TBC1D9: variants seen among roughly 807,000 people sequenced by gnomAD.
The protein encoded by TBC1D9 is TBC1 domain family member 9, also known as TBC1 domain family member 9A.
A neutral mutation model predicts 132.0 loss-of-function variants in TBC1D9; 63 were observed. That is an observed-to-expected ratio of 0.48 (90% CI 0.39 to 0.59). The LOEUF is 0.59. TBC1D9 is among the 20% of genes least tolerant of loss of function. The pLI, the probability that TBC1D9 is intolerant of heterozygous loss-of-function variation, is 0.00. For synonymous variants in TBC1D9, 610 were observed against 609.9 expected (o/e 1.00, Z 0.00); for missense variants, 1,261 against 1,592.7 (o/e 0.79, Z 3.54).
intron 1 of TBC1D9, among the ~76,000 whole-genome samples, chr4:140,710,423 A>G (rs1362800614): frequency 6.6e-6 from 1 of 152,216 alleles, no homozygotes; most frequent in Non-Finnish European, 1.5e-5. Context: ...TTTGATATAC[A>G]TGTTCATATA....
chr4:140,719,115 AAAATAAATAAATAAATAAAT>A (rs200581012), intron 1 of TBC1D9, among the ~76,000 whole-genome samples: 70 of 141,416 alleles, frequency 4.9e-4, no homozygotes, highest in African/African-American at 1.7e-3. Context: ...ACTCCATCTC[AAAATAAATAAATAAATAAAT>A]AAATAAATAA....
intron 2 of TBC1D9, among the ~76,000 whole-genome samples, chr4:140,687,343 C>CATATATATATATATATATAT (rs200090051): frequency 2.6e-5 from 1 of 37,910 alleles, no homozygotes; most frequent in Non-Finnish European, 6.4e-5. Flanking sequence ...GTGTGTGTGT[C>CATATATATATATATATATAT]ATATATATAT....
chr4:140,725,951 T>C (rs181095200), intron 1 of TBC1D9, among the ~76,000 whole-genome samples: 16 of 152,284 alleles, frequency 1.1e-4, no homozygotes, highest in African/African-American at 3.4e-4. Flanking sequence ...CTTTGAACCA[T>C]ATAAATATAT....
rs1018045698 is a variant in TBC1D9 at position 140,669,002 on chromosome 4, G to A, written c.1503C>T (p.Cys501=). ...CCCGCGTTTTCTCTGTGCGGTACAT[G>A]CAGATCCCTTGCCCATACTCAGCAA... ...IHFAEYGQGI[C]MYRTEKTREL... Residue 501 remains cysteine, a synonymous_variant, in exon 9 of 21, where the codon TGC becomes TGT. Coordinates refer to ENST00000442267, the MANE Select transcript of TBC1D9 (RefSeq NM_015130.3). 1.2e-6 allele frequency: 2 copies of A among 1,613,988 alleles called. No homozygotes were observed. The highest frequency in any genetic ancestry group is 3.3e-4 in the Middle Eastern group (2 of 6,062).
intron 13 of TBC1D9, among the ~76,000 whole-genome samples, chr4:140,640,921 G>A (rs78588709): frequency 0.079 from 12,002 of 151,052 alleles, 1,441 homozygotes; most frequent in African/African-American, 0.26. Flanking sequence ...TTACTTTACC[G>A]AAAGACATAT....
intron 1 of TBC1D9, among the ~76,000 whole-genome samples, chr4:140,727,344 T>TA (rs1363828319): frequency 1.3e-5 from 2 of 152,218 alleles, no homozygotes; most frequent in South Asian, 4.1e-4. Context: ...CTGCATCTAC[T>TA]TTCACCTTTG....
At chr4:140,704,435 G>GAAAAAAAAAAAAAAA (rs11317574) in intron 1 of TBC1D9, among the ~76,000 whole-genome samples, 1 of 113,402 alleles carries the variant, frequency 8.8e-6, no homozygotes, top group Non-Finnish European at 1.9e-5. Context: ...CAAAAAATCA[G>GAAAAAAAAAAAAAAA]AAAAAAAAAA....
chr4:140,642,333 A>G, intron 13 of TBC1D9: 1 of 789,552 alleles, frequency 1.3e-6, no homozygotes, highest in Non-Finnish European at 2.2e-6. Flanking sequence ...CCCCACCCCT[A>G]TCTTCCTGGC....
intron 16 of TBC1D9, among the ~76,000 whole-genome samples, chr4:140,629,976 A>G (rs1297492982): frequency 6.6e-6 from 1 of 152,220 alleles, no homozygotes. Context: ...TATTTTACAG[A>G]TAAGAAAAAT....
intron 1 of TBC1D9, among the ~76,000 whole-genome samples, chr4:140,739,253 G>A (rs994233730): frequency 7.9e-5 from 12 of 152,080 alleles, no homozygotes; most frequent in African/African-American, 2.9e-4. Flanking sequence ...CCAAAGTGCT[G>A]GGATTACAGG....
At chr4:140,663,393 A>G (rs1269134506) in intron 9 of TBC1D9, among the ~76,000 whole-genome samples, 1 of 152,224 alleles carries the variant, frequency 6.6e-6, no homozygotes, top group African/African-American at 2.4e-5. Context: ...ACAAAAGATA[A>G]CAAGTGTCAG....
chr4:140,639,875 C>T lies in TBC1D9; in HGVS notation c.2338-447G>A, dbSNP rs141381019. On this transcript the variant is annotated intron_variant, in intron 13 of 20. Transcript: ENST00000442267. ...TGTCCATCTGGCCCAGAAATGCATG[C>T]TATGTGTCTCCTGATGGCAGACACT... Among the ~76,000 whole-genome samples the T allele has an allele frequency of 4.6e-3, 703 of 152,306 alleles. 2 individuals are homozygous for T. The highest frequency in any genetic ancestry group is 0.015 in the African/African-American group (635 of 41,570).
At chr4:140,734,022 A>C (rs28405058) in intron 1 of TBC1D9, among the ~76,000 whole-genome samples, 2 of 151,682 alleles carry the variant, frequency 1.3e-5, no homozygotes, top group East Asian at 3.9e-4. Flanking sequence ...CATGTATACT[A>C]TCCTTACATG....
intron 13 of TBC1D9, 144 bp downstream of exon 13, chr4:140,656,952 TG>T (rs1163299620): frequency 9.9e-7 from 1 of 1,015,184 alleles, no homozygotes; most frequent in South Asian, 2.2e-5. Flanking sequence ...TGCCTTGATT[TG>T]GGGCGTCCCA....
At position 140,704,846 on chromosome 4, in the gene TBC1D9, G is replaced by A. The variant is rs574822371; in HGVS notation, c.131-3232C>T. Among the ~76,000 whole-genome samples the A allele has an allele frequency of 1.4e-3, 212 of 152,178 alleles. 2 individuals carry two copies. The highest frequency in any genetic ancestry group is 4.8e-3 in the African/African-American group (201 of 41,510). On this transcript the variant is annotated intron_variant, in intron 1 of 20. Coordinates refer to ENST00000442267, the MANE Select transcript of TBC1D9 (RefSeq NM_015130.3). Reference sequence around the variant, plus strand: ...TTAAAGCAGAGCCCCCTGGAGTGAGGGTTTCTCATTAGATGCAAGTTCACC... The same window carrying A: ...TTAAAGCAGAGCCCCCTGGAGTGAGAGTTTCTCATTAGATGCAAGTTCACC...
chr4:140,668,845 G>A (rs1737488325), intron 9 of TBC1D9, 72 bp downstream of exon 9: 13 of 1,536,498 alleles, frequency 8.5e-6, no homozygotes, highest in East Asian at 2.3e-5. Flanking sequence ...AGGCATGACT[G>A]AAGGCACAGG....
At chr4:140,745,561 C>T (rs1738824607) in intron 1 of TBC1D9, among the ~76,000 whole-genome samples, 1 of 152,160 alleles carries the variant, frequency 6.6e-6, no homozygotes, top group South Asian at 2.1e-4. Context: ...AGTAAATATA[C>T]TTTCTTTTCC....
At position 140,679,052 on chromosome 4, in the gene TBC1D9, C is replaced by T; in HGVS notation, c.741G>A (p.Gln247=). 1 of 1,613,930 alleles carries T rather than the reference C, an allele frequency of 6.2e-7. No homozygotes were observed. The highest frequency in any genetic ancestry group is 1.1e-5 in the South Asian group (1 of 91,086). ...NINETFKLME[Q]LANIAMRQLL... is the part of the protein sequence containing the mutation. Reference sequence around the variant, plus strand: ...GTTGCCTCATGGCTATGTTGGCAAGCTGCTCCATTAACTTGAAGGTCTCGT... The same window carrying T: ...GTTGCCTCATGGCTATGTTGGCAAGTTGCTCCATTAACTTGAAGGTCTCGT... Residue 247 remains glutamine, a synonymous_variant, in exon 5 of 21, where the codon CAG becomes CAA. Transcript: ENST00000442267.
chr4:140,698,750 G>T (rs1283339773), intron 2 of TBC1D9, among the ~76,000 whole-genome samples: 2 of 150,392 alleles, frequency 1.3e-5, no homozygotes, highest in African/African-American at 4.9e-5. Flanking sequence ...GGGTGGGGGG[G>T]GGAAAGACAT....
Sources: allele counts gnomAD v4.1 joint callset (sites outside exome capture counted in the v4.1 genomes callset), GRCh38; gene constraint gnomAD v4.1.1; transcripts MANE v1.5; gene names NCBI Gene and HGNC (gene_info 2026-07-23, HGNC 2026-07-21).